TMTC3: variants seen among roughly 807,000 people sequenced by gnomAD.
TMTC3 encodes protein O-mannosyl-transferase TMTC3.
In TMTC3, 52 loss-of-function variants were observed where a neutral mutation model predicts 92.2. That is an observed-to-expected ratio of 0.56 (90% CI 0.45 to 0.71). The LOEUF is 0.71. Among genes scored for constraint, TMTC3 ranks in the 30% least tolerant of loss-of-function variants. TMTC3 has a pLI of 0.00. For synonymous variants in TMTC3, 339 were observed against 363.3 expected, an observed-to-expected ratio of 0.93 and a Z score of 0.76; for missense variants, 896 against 1,057.1, an observed-to-expected ratio of 0.85 and a Z score of 2.11.
chr12:88,170,442 G>A lies in TMTC3; in HGVS notation c.1051-2155G>A, dbSNP rs2041192221. On this transcript the variant is annotated intron_variant, in intron 7 of 13. Transcript: ENST00000266712. ...GTCAAGCATCTCTGGGAAATGGAAA[G>A]TGAATTCTATGCACTCTTAGTTATT... Among the ~76,000 whole-genome samples the A allele has an allele frequency of 2.6e-5, 4 of 152,174 alleles. No homozygotes were observed. In the South Asian group the frequency reaches 8.3e-4, roughly 32 times the overall value.
chr12:88,170,196 A>G (rs369356139), intron 7 of TMTC3, among the ~76,000 whole-genome samples: 2 of 152,286 alleles, frequency 1.3e-5, no homozygotes, highest in African/African-American at 4.8e-5. Flanking sequence ...GACATTTCTT[A>G]TCCCAGAACC....
chr12:88,176,084 G>C, intron 9 of TMTC3, 124 bp from the exon 10 acceptor site: 1 of 645,472 alleles, frequency 1.5e-6, no homozygotes, highest in East Asian at 3.0e-5. Context: ...TTTGACTCCT[G>C]TGTCATCCCC....
At chr12:88,167,326 C>A (rs2041156075) in intron 7 of TMTC3, among the ~76,000 whole-genome samples, 2 of 152,146 alleles carry the variant, frequency 1.3e-5, no homozygotes, top group South Asian at 4.2e-4. Flanking sequence ...ATCACTTGAA[C>A]CAGGGAGGTG....
intron 6 of TMTC3, among the ~76,000 whole-genome samples, chr12:88,164,058 G>A (rs749122177): frequency 6.6e-5 from 10 of 151,700 alleles, no homozygotes; most frequent in African/African-American, 1.2e-4. Flanking sequence ...CCAGCGTGGT[G>A]GTGCACGACT....
Position 88,195,834 on chromosome 12 carries a change from G to T in TMTC3, c.*185G>T. Reference sequence around the variant, plus strand: ...TATCCCAGGATGTATATTATGTATCGCTGTTTTCAGAGTGTGGGTGAATAT... The same window carrying T: ...TATCCCAGGATGTATATTATGTATCTCTGTTTTCAGAGTGTGGGTGAATAT... On this transcript the variant is annotated 3_prime_UTR_variant, in exon 14 of 14. Coordinates refer to ENST00000266712, the MANE Select transcript of TMTC3 (RefSeq NM_181783.4). 3 of 446,304 alleles carry T rather than the reference G, an allele frequency of 6.7e-6. 1 individual carries two copies. The Middle Eastern group carries it at 1.8e-3, about 268-fold the overall frequency. The allele number at this position is 446,304 out of a possible 1,614,324, so 27.6% of individuals were successfully genotyped here. A position where few individuals can be genotyped will look rare whatever the true frequency, so the allele number is the denominator to read the frequency against.
intron 10 of TMTC3, among the ~76,000 whole-genome samples, chr12:88,183,601 C>A (rs967208215): frequency 7.2e-5 from 11 of 152,086 alleles, no homozygotes; most frequent in Admixed American, 5.9e-4. Context: ...CTCCTCCCTT[C>A]CCTTTTTAGG....
chr12:88,162,120 T>C (rs1312075402), intron 6 of TMTC3, among the ~76,000 whole-genome samples: 2 of 152,148 alleles, frequency 1.3e-5, no homozygotes, highest in Non-Finnish European at 2.9e-5. Context: ...TGGAGAATTC[T>C]ACACTGGCTT....
intron 6 of TMTC3, among the ~76,000 whole-genome samples, chr12:88,165,936 G>A (rs757981666): frequency 1.3e-5 from 2 of 152,138 alleles, no homozygotes; most frequent in Non-Finnish European, 2.9e-5. Context: ...AAGCATTGGT[G>A]AGTGTTTTCA....
Position 88,188,878 on chromosome 12 carries a change from T to G in TMTC3, c.1468T>G (p.Tyr490Asp). 1 of 1,594,536 alleles carries G rather than the reference T, an allele frequency of 6.3e-7. No homozygotes were observed. The highest frequency in any genetic ancestry group is 8.5e-7 in the Non-Finnish European group (1 of 1,171,654). Residue 490 changes from tyrosine (Y) to aspartate (D), a missense_variant, in exon 11 of 14, where the codon TAT (tyrosine) becomes GAT (aspartate). Coordinates refer to ENST00000266712, the MANE Select transcript of TMTC3 (RefSeq NM_181783.4). ...TGCCCATATGAATGTAGGAAGAACT[T>G]ATAAAAATTTAAATAGAACCAAAGA... ...IGAHMNVGRT[Y>D]KNLNRTKEAE...
In TMTC3 at chr12:88,198,143, T is replaced by A. The variant is rs1049622054; in HGVS notation, c.*2494T>A. The A allele has an allele frequency of 2.5e-6, 1 of 392,854 alleles. No individual in the cohort carries two copies. Among genetic ancestry groups the A allele is most frequent in the Non-Finnish European group, 4.5e-6 (1 of 222,568 alleles). 24.3% of individuals were successfully genotyped at this position (392,854 alleles called of 1,614,324 possible). On this transcript the variant is annotated 3_prime_UTR_variant, in exon 14 of 14. Transcript: ENST00000266712. ...GCCCTTGTGTAAGATTATTATTTCT[T>A]CTCTATAACTTCAAAATAGATATTT...
At chr12:88,152,428 A>G (rs938651356) in intron 2 of TMTC3, among the ~76,000 whole-genome samples, 1 of 152,140 alleles carries the variant, frequency 6.6e-6, no homozygotes, top group African/African-American at 2.4e-5. Context: ...ACCAGGCCCA[A>G]CCTTCAACAT....
At chr12:88,174,047 G>C (rs1035085324) in intron 8 of TMTC3, among the ~76,000 whole-genome samples, 1 of 152,084 alleles carries the variant, frequency 6.6e-6, no homozygotes, top group Non-Finnish European at 1.5e-5. Context: ...AAAGATTATA[G>C]GTGAAGAATT....
chr12:88,179,451 G>A (rs2041293426), intron 10 of TMTC3, among the ~76,000 whole-genome samples: 1 of 152,000 alleles, frequency 6.6e-6, no homozygotes, highest in African/African-American at 2.4e-5. Context: ...CTTTTGTATG[G>A]GTTATGTTAA....
chr12:88,174,816 G>A (rs1270153647), intron 9 of TMTC3, 89 bp downstream of exon 9: 4 of 1,491,404 alleles, frequency 2.7e-6, no homozygotes, highest in Non-Finnish European at 3.7e-6. Flanking sequence ...TTTTTAATTA[G>A]ACATTTAACA....
rs746911439 is a variant in TMTC3 at position 88,154,325 on chromosome 12, C to G, written c.446C>G (p.Ser149Cys). The change falls in exon 4 of 14, where the codon TCT becomes TGT. Residue 149 changes from serine (S) to cysteine (C), a missense_variant. Coordinates refer to ENST00000266712, the MANE Select transcript of TMTC3 (RefSeq NM_181783.4). The stretch of plus-strand genomic sequence containing the variant: ...GTTGGAAGAGCAGAACTTTTGTCAT[C>G]TATCTTTTTTCTAGCAGCTTTTTTG... ...GVVGRAELLS[S>C]IFFLAAFLSY... 2.5e-6 allele frequency: 4 copies of G among 1,608,534 alleles called. No homozygotes were observed. The highest frequency in any genetic ancestry group is 1.7e-6 in the Non-Finnish European group (2 of 1,178,362).
chr12:88,174,732 A>G lies in TMTC3; in HGVS notation c.1320+5A>G. 1 of 1,611,536 alleles carries G rather than the reference A, an allele frequency of 6.2e-7. No homozygotes were observed. Among genetic ancestry groups the G allele is most frequent in the Middle Eastern group, 1.7e-4 (1 of 6,040 alleles). ...TTGTTTATGTCAGCCTTGAAGGTAA[A>G]GTGTTGTTCAGAATGACAGGAAAGT... On this transcript the variant is annotated splice_donor_5th_base_variant and intron_variant, in intron 9 of 13. Transcript: ENST00000266712.
chr12:88,159,683 G>A (rs2471511), intron 4 of TMTC3, among the ~76,000 whole-genome samples: 131,951 of 151,782 alleles, frequency 0.87, 58,578 homozygotes, highest in East Asian at 0.99. Context: ...AAAAAGTATA[G>A]TACCCTACTT....
chr12:88,182,384 T>C (rs1210144138), intron 10 of TMTC3, among the ~76,000 whole-genome samples: 2 of 152,236 alleles, frequency 1.3e-5, no homozygotes, highest in Non-Finnish European at 2.9e-5. Context: ...TCTAAGGCTG[T>C]ATTGCCCTTT....
chr12:88,176,181 C>CTT, intron 9 of TMTC3, 27 bp from the exon 10 acceptor site: 1 of 1,475,912 alleles, frequency 6.8e-7, no homozygotes, highest in Non-Finnish European at 9.3e-7. Context: ...TTAATTGTAA[C>CTT]TTTTTCTATC....
Sources: gnomAD v4.1 joint callset for allele counts (sites outside exome capture counted in the v4.1 genomes callset) on GRCh38, gnomAD v4.1.1 for gene constraint, MANE v1.5 for transcripts, NCBI Gene and HGNC (gene_info 2026-07-23, HGNC 2026-07-21) for gene names.